The following CALCOCO2 variants were observed in gnomAD, a reference collection of about 807,000 sequenced individuals.
CALCOCO2 encodes calcium-binding and coiled-coil domain-containing protein 2.
In CALCOCO2, 42 loss-of-function variants were observed where a neutral mutation model predicts 62.5. That is an observed-to-expected ratio of 0.67 (90% confidence interval 0.53 to 0.87). The LOEUF (loss-of-function observed/expected upper bound fraction) is 0.87. Among genes scored for constraint, CALCOCO2 ranks in the 40% least tolerant of loss-of-function variants. CALCOCO2 has a pLI of 0.00. For missense variants in CALCOCO2, 456 were observed against 515.0 expected, an observed-to-expected ratio of 0.89 and a Z score of 1.11; for synonymous variants, 167 against 173.0, an observed-to-expected ratio of 0.97 and a Z score of 0.27.
chr17:48,858,066 G>GAATAGAATAC (rs2040268846), intron 10 of CALCOCO2, among the ~76,000 whole-genome samples: 2 of 144,638 alleles, frequency 1.4e-5, no homozygotes, highest in Non-Finnish European at 3.0e-5. Flanking sequence ...GAATAGAATA[G>GAATAGAATAC]AATAGAATTT....
intron 10 of CALCOCO2, among the ~76,000 whole-genome samples, chr17:48,858,000 A>ATAGAATAGG (rs1431561257): frequency 2.2e-4 from 5 of 22,344 alleles, no homozygotes; most frequent in Non-Finnish European, 3.3e-4. Context: ...AATAGAATAG[A>ATAGAATAGG]ATAGAATAGA....
chr17:48,855,014 AG>A (rs1297494472), intron 9 of CALCOCO2, among the ~76,000 whole-genome samples: 2 of 152,156 alleles, frequency 1.3e-5, no homozygotes, highest in African/African-American at 4.8e-5. Flanking sequence ...GACAGAGATA[AG>A]GGGGCCCAGG....
intron 1 of CALCOCO2, among the ~76,000 whole-genome samples, chr17:48,834,106 C>CAAAAAA (rs59633969): frequency 1.3e-4 from 9 of 69,796 alleles, no homozygotes; most frequent in South Asian, 5.4e-4. Flanking sequence ...GACCCTATGT[C>CAAAAAA]AAAAAAAAAA....
At chr17:48,846,135 T>G (rs1361552662) in intron 2 of CALCOCO2, 3 of 988,880 alleles carry the variant, frequency 3.0e-6, no homozygotes, top group Non-Finnish European at 4.4e-6. Context: ...TTATTTATTT[T>G]TTAAAATTTA....
rs3744605 is a variant in CALCOCO2 at position 48,863,054 on chromosome 17, A to G, written c.*49A>G. On this transcript the variant is annotated 3_prime_UTR_variant, in exon 13 of 13. Coordinates refer to ENST00000258947, the MANE Select transcript of CALCOCO2 (RefSeq NM_005831.5). ...ACAGAGATTTTATAGAATAGAACCT[A>G]TAGCTTCTACCATGAGTTATATGAG... 0.044 allele frequency: 59,031 copies of G among 1,352,882 alleles called. 2,012 individuals carry two copies. Among genetic ancestry groups the G allele is most frequent in the South Asian group, 0.14 (12,084 of 85,284 alleles). 83.8% of individuals were successfully genotyped at this position (1,352,882 alleles called of 1,614,324 possible). A position where few individuals can be genotyped will look rare whatever the true frequency, so the allele number is the denominator to read the frequency against.
chr17:48,833,294 C>T (rs1179826404), intron 1 of CALCOCO2, among the ~76,000 whole-genome samples: 2 of 152,164 alleles, frequency 1.3e-5, no homozygotes, highest in African/African-American at 4.8e-5. Context: ...CAGTGGCTCA[C>T]GCCTGTAATC....
intron 1 of CALCOCO2, among the ~76,000 whole-genome samples, chr17:48,833,652 T>C (rs2039848698): frequency 6.6e-6 from 1 of 152,178 alleles, no homozygotes; most frequent in African/African-American, 2.4e-5. Flanking sequence ...AAATGAAGAA[T>C]TGATTTGCAT....
At chr17:48,848,675 G>A (rs1437365515) in intron 4 of CALCOCO2, 2 of 608,470 alleles carry the variant, frequency 3.3e-6, no homozygotes, top group Admixed American at 5.5e-5. Context: ...CTTTAACTCA[G>A]CTGGCATTCA....
rs1386886618 is a variant in CALCOCO2 at position 48,851,103 on chromosome 17, C to A, written c.558C>A (p.Thr186=). 1 of 1,601,742 alleles carries A rather than the reference C, an allele frequency of 6.2e-7. No homozygotes were observed. Among genetic ancestry groups the A allele is most frequent in the South Asian group, 1.1e-5 (1 of 90,816 alleles). ...ELQKKQEELE[T]LQSINKKLEL... ...TCAATCTATAGGAGGAGCTAGAAACCCTACAGAGCATCAATAAGAAGTTGG... is the reference window on the plus strand; with the variant it reads ...TCAATCTATAGGAGGAGCTAGAAACACTACAGAGCATCAATAAGAAGTTGG... Residue 186 remains threonine (T), a synonymous_variant, in exon 6 of 13, where the codon ACC becomes ACA. Transcript: ENST00000258947.
intron 10 of CALCOCO2, among the ~76,000 whole-genome samples, chr17:48,858,638 T>C (rs1400307442): frequency 6.6e-6 from 1 of 151,862 alleles, no homozygotes; most frequent in Non-Finnish European, 1.5e-5. Flanking sequence ...CCTATTCCCA[T>C]TCTCTTAATT....
rs943907301 is a variant in CALCOCO2 at position 48,856,260 on chromosome 17, GA to G, written c.1008+80del. The G allele has an allele frequency of 1.5e-5, 12 of 802,786 alleles. No individual in the cohort carries two copies. In the Admixed American group the frequency reaches 2.6e-4, roughly 17 times the overall value. 49.7% of individuals were successfully genotyped at this position (802,786 alleles called of 1,614,324 possible). On this transcript the variant is annotated intron_variant, in intron 10 of 12. Transcript: ENST00000258947. The stretch of plus-strand genomic sequence containing the variant: ...GATCAGGGTGGCCCAGAGATGTAGT[GA>G]AAAAAATAAAAAGTTAAGGGCCCTT...
intron 2 of CALCOCO2, 120 bp from the exon 3 acceptor site, chr17:48,847,944 T>C (rs976864775): frequency 3.1e-6 from 2 of 635,934 alleles, no homozygotes; most frequent in South Asian, 3.9e-5. Flanking sequence ...CATGAGCCAC[T>C]GCACCCGGCC....
At chr17:48,852,435 GT>G in intron 7 of CALCOCO2, 70 bp from the exon 8 acceptor site, 1 of 1,380,048 alleles carries the variant, frequency 7.2e-7, no homozygotes. Context: ...GTTATTGTAC[GT>G]TAAAAAGCAT....
In CALCOCO2 at chr17:48,860,434, G is replaced by A. The variant is rs368870779; in HGVS notation, c.1129G>A (p.Gly377Arg). 43 of 1,613,856 alleles carry A rather than the reference G, an allele frequency of 2.7e-5. No homozygotes were observed. Among genetic ancestry groups the A allele is most frequent in the Non-Finnish European group, 3.6e-5 (42 of 1,179,930 alleles). ...AAGACAAAATCCAGGACTTGCCTAT[G>A]GAAACCCATATTCTGGTAAGACAAC... is the stretch of plus-strand genomic sequence containing the variant. ...GARQNPGLAY[G>R]NPYSGIQESS... The change falls in exon 11 of 13, where the codon GGA becomes AGA. Residue 377 changes from glycine (G) to arginine (R), a missense_variant. By Grantham distance (125) the Gly-to-Arg change is moderately radical. Transcript: ENST00000258947.
intron 1 of CALCOCO2, among the ~76,000 whole-genome samples, chr17:48,838,058 G>A (rs956295203): frequency 1.3e-5 from 2 of 152,092 alleles, no homozygotes; most frequent in East Asian, 1.9e-4. Flanking sequence ...TTATTAGGCC[G>A]GGGGCATCAG....
At chr17:48,839,128 C>G (rs556181224) in intron 1 of CALCOCO2, among the ~76,000 whole-genome samples, 3 of 151,948 alleles carry the variant, frequency 2.0e-5, no homozygotes, top group African/African-American at 7.2e-5. Context: ...CTGCCTCAGC[C>G]TCCTGAGTAG....
chr17:48,850,909 C>T, intron 5 of CALCOCO2, 180 bp from the exon 6 acceptor site: 1 of 392,510 alleles, frequency 2.5e-6, no homozygotes, highest in South Asian at 2.3e-5. Context: ...TAGAGTGAGA[C>T]ACTGTCTTAA....
chr17:48,858,364 C>T (rs1251458909), intron 10 of CALCOCO2, among the ~76,000 whole-genome samples: 1 of 151,884 alleles, frequency 6.6e-6, no homozygotes. Flanking sequence ...GAGTCTTGCT[C>T]TGTTATCCAG....
chr17:48,833,678 A>G (rs2039849296), intron 1 of CALCOCO2, among the ~76,000 whole-genome samples: 1 of 152,198 alleles, frequency 6.6e-6, no homozygotes, highest in Non-Finnish European at 1.5e-5. Flanking sequence ...TCTTGCCTGT[A>G]GAAGCATTTG....
Sources: allele counts gnomAD v4.1 joint callset (sites outside exome capture counted in the v4.1 genomes callset), GRCh38; gene constraint gnomAD v4.1.1; transcripts MANE v1.5; gene names NCBI Gene and HGNC (gene_info 2026-07-23, HGNC 2026-07-21).